The following TRIM14 variants were observed in gnomAD, a reference collection of about 807,000 sequenced individuals.
TRIM14 encodes tripartite motif-containing protein 14.
Under a neutral mutation model 44.5 loss-of-function variants are expected in TRIM14, and 28 were observed. The observed-to-expected ratio is 0.63, with a 90% confidence interval of 0.47 to 0.86. The LOEUF (loss-of-function observed/expected upper bound fraction) is 0.86, where lower values mean the gene tolerates loss of function less well. TRIM14 is among the 40% of genes least tolerant of loss of function. The pLI is 0.00. For missense variants in TRIM14, 607 were observed against 611.1 expected (o/e 0.99, Z 0.07); for synonymous variants, 299 against 269.2 (o/e 1.11, Z -1.08).
At chr9:98,098,064 T>G (rs1826248176) in intron 3 of TRIM14, among the ~76,000 whole-genome samples, 1 of 152,218 alleles carries the variant, frequency 6.6e-6, no homozygotes, top group Non-Finnish European at 1.5e-5. Flanking sequence ...TTGACTGGCT[T>G]ATTTGTCTGT....
intron 2 of TRIM14, among the ~76,000 whole-genome samples, chr9:98,103,884 G>T (rs1826499574): frequency 6.7e-6 from 1 of 149,358 alleles, no homozygotes; most frequent in African/African-American, 2.5e-5. Context: ...CCCTTCCTCA[G>T]CCCAAACATC....
intron 1 of TRIM14, among the ~76,000 whole-genome samples, chr9:98,114,323 A>C (rs1332931406): frequency 6.6e-6 from 1 of 152,066 alleles, no homozygotes; most frequent in Non-Finnish European, 1.5e-5. Flanking sequence ...TAAGCCTTTT[A>C]TCATCCACAG....
intron 6 of TRIM14, chr9:98,075,655 A>T (rs1432471355): frequency 2.0e-5 from 3 of 152,208 alleles, no homozygotes; most frequent in South Asian, 2.1e-4. Flanking sequence ...CTGAGTCACC[A>T]TTCAGAGACA....
chr9:98,112,080 T>C (rs1334986776), intron 1 of TRIM14, among the ~76,000 whole-genome samples: 1 of 152,136 alleles, frequency 6.6e-6, no homozygotes, highest in Non-Finnish European at 1.5e-5. Flanking sequence ...AAAAAAAAAT[T>C]GAGGAGCCAT....
In TRIM14 at chr9:98,087,455, C is replaced by G; in HGVS notation, c.*15G>C. 1 of 1,605,708 alleles carries G rather than the reference C, an allele frequency of 6.2e-7. No individual in the cohort carries two copies. The highest frequency in any genetic ancestry group is 8.5e-7 in the Non-Finnish European group (1 of 1,174,938). ...GCTGCGGCGTACCTGGAGGCTGTCA[C>G]GCCGGTCCTGGCCCCTAGGGCAGCC... On this transcript the variant is annotated 3_prime_UTR_variant, in exon 6 of 6. Coordinates refer to ENST00000341469, the MANE Select transcript of TRIM14 (RefSeq NM_014788.4).
intron 4 of TRIM14, 22 bp downstream of exon 4, chr9:98,094,845 A>G: frequency 1.3e-5 from 21 of 1,610,380 alleles, no homozygotes; most frequent in Non-Finnish European, 1.8e-5. Flanking sequence ...AAGGACACAA[A>G]GTTGGTCACT....
the TRIM14 span, among the ~76,000 whole-genome samples, chr9:98,036,691 C>A: frequency 6.6e-6 from 1 of 152,120 alleles, no homozygotes. Context: ...GTAATCCCAG[C>A]TACTCAGGAG....
At chr9:98,056,251 A>AT in the TRIM14 span, among the ~76,000 whole-genome samples, 1 of 152,052 alleles carries the variant, frequency 6.6e-6, no homozygotes, top group African/African-American at 2.4e-5. Flanking sequence ...GTTCTATTTT[A>AT]TTTTTTTGCT....
chr9:98,060,662 C>A, the TRIM14 span: 3 of 1,010,540 alleles, frequency 3.0e-6, no homozygotes, highest in South Asian at 4.5e-5. Flanking sequence ...AAGAGCGAAA[C>A]TCTGTCTCTA....
rs1826167700 is a variant in TRIM14, at chr9:98,095,825, A to C, written c.538-796T>G. ...TGGTGTGAGTGGTGATGTCTTGCCC[A>C]GCAGGGGTGCCGTGGGGCCTATACT... On this transcript the variant is annotated intron_variant, in intron 3 of 5. Transcript: ENST00000341469. This position sits in a 1 kb window ranked among gnomAD's most constrained non-coding sequence, Gnocchi z 4.1. Among the ~76,000 whole-genome samples, 1 of 152,174 alleles carries C rather than the reference A, an allele frequency of 6.6e-6. No individual in the cohort carries two copies. The highest frequency in any genetic ancestry group is 6.5e-5 in the Admixed American group (1 of 15,284).
intron 6 of TRIM14, among the ~76,000 whole-genome samples, chr9:98,073,212 C>G (rs1442795995): frequency 2.0e-5 from 3 of 150,660 alleles, no homozygotes; most frequent in Non-Finnish European, 4.4e-5. Flanking sequence ...GCTGGCCCAG[C>G]CTATTTGTGG....
Position 98,084,361 on chromosome 9 carries a change from G to A in TRIM14, c.*3109C>T, listed in dbSNP as rs1489033598. On this transcript the variant is annotated 3_prime_UTR_variant, in exon 6 of 6. Transcript: ENST00000341469. ...CCCAGTGAAGACCATGGTTAAAAGG[G>A]ACATTATTCACATTTTATTAAACCA... 1 of 152,174 alleles carries A rather than the reference G, an allele frequency of 6.6e-6. No homozygotes were observed. Among genetic ancestry groups the A allele is most frequent in the East Asian group, 1.9e-4 (1 of 5,202 alleles). The allele number at this position is 152,174 out of a possible 1,614,324, so 9.4% of individuals were successfully genotyped here.
chr9:98,047,989 C>A, the TRIM14 span, among the ~76,000 whole-genome samples: 1 of 151,070 alleles, frequency 6.6e-6, no homozygotes, highest in African/African-American at 2.4e-5. Flanking sequence ...CGCTTGAACC[C>A]AGAAGGTGGA....
At chr9:98,097,236 G>A (rs1444690723) in intron 3 of TRIM14, among the ~76,000 whole-genome samples, 1 of 152,056 alleles carries the variant, frequency 6.6e-6, no homozygotes, top group Non-Finnish European at 1.5e-5. Flanking sequence ...TCTCATTACA[G>A]GACAAAGTCT....
At chr9:98,054,273 A>T in the TRIM14 span, among the ~76,000 whole-genome samples, 2 of 152,320 alleles carry the variant, frequency 1.3e-5, no homozygotes. Flanking sequence ...CAAGACGGAC[A>T]GAAGGCCTTC....
At chr9:98,047,266 T>TCACCATAACTGTGAGGCCTCCCC in the TRIM14 span, among the ~76,000 whole-genome samples, 3 of 151,638 alleles carry the variant, frequency 2.0e-5, no homozygotes, top group South Asian at 2.1e-4. Context: ...CTTTTGCCTT[T>TCACCATAACTGTGAGGCCTCCCC]CACCATAACT....
At chr9:98,078,480 C>A in intron 6 of TRIM14, 1 of 1,198,662 alleles carries the variant, frequency 8.3e-7, no homozygotes, top group Non-Finnish European at 1.2e-6. Context: ...TTGCTGTTAC[C>A]AAATCAAATT....
In TRIM14 at chr9:98,087,873, C is replaced by T; in HGVS notation, c.926G>A (p.Trp309Ter). 6.4e-7 allele frequency: 1 copy of T among 1,567,730 alleles called. No homozygotes were observed. The highest frequency in any genetic ancestry group is 8.6e-7 in the Non-Finnish European group (1 of 1,167,166). ...GAAGCAGTCACGAGCCAGCACTTGC[C>T]AGAGCGCGTCGAACCGCAGCACGGG... ...PVPVLRFDALWQVLARDCFAT... is the reference protein window; with the variant it reads ...PVPVLRFDAL Residue 309 changes from tryptophan to a stop codon, truncating the protein, a stop_gained, in exon 6 of 6, where the codon TGG (tryptophan) becomes TAG (stop). Coordinates refer to ENST00000341469, the MANE Select transcript of TRIM14 (RefSeq NM_014788.4). LOFTEE classifies it high-confidence loss of function.
At chr9:98,105,415 C>T (rs1438371670) in intron 2 of TRIM14, among the ~76,000 whole-genome samples, 1 of 152,166 alleles carries the variant, frequency 6.6e-6, no homozygotes, top group Non-Finnish European at 1.5e-5. Context: ...CCGATCCCTA[C>T]TAAAAATACA....
Sources: gnomAD v4.1 joint callset for allele counts (sites outside exome capture counted in the v4.1 genomes callset) on GRCh38, gnomAD v4.1.1 for gene constraint, Gnocchi (gnomAD v3.1) non-coding constraint, MANE v1.5 for transcripts, NCBI Gene and HGNC (gene_info 2026-07-23, HGNC 2026-07-21) for gene names.